PIK3C2G: variants seen among roughly 807,000 people sequenced by gnomAD.
The protein encoded by PIK3C2G is phosphatidylinositol-4-phosphate 3-kinase catalytic subunit type 2 gamma.
Under a neutral mutation model 181.1 loss-of-function variants are expected in PIK3C2G, and 168 were observed. That is an observed-to-expected ratio of 0.93 (90% CI 0.82 to 1.05). The LOEUF is 1.05. Among genes scored for constraint, PIK3C2G ranks in the 50% least tolerant of loss-of-function variants. PIK3C2G has a pLI of 0.00. For missense variants in PIK3C2G, 1,869 were observed against 1,732.8 expected (o/e 1.08, Z -1.40); for synonymous variants, 573 against 592.2 (o/e 0.97, Z 0.47).
intron 18 of PIK3C2G, among the ~76,000 whole-genome samples, chr12:18,449,426 A>G (rs566965347): frequency 3.9e-5 from 6 of 152,122 alleles, no homozygotes; most frequent in South Asian, 2.1e-4. Flanking sequence ...TGCATTAGGT[A>G]TCTGTCCTAA....
the PIK3C2G span, chr12:18,688,163 G>C: frequency 6.2e-7 from 1 of 1,610,938 alleles, no homozygotes; most frequent in Admixed American, 1.7e-5. Flanking sequence ...AATTACTAAT[G>C]AATCACCTTT....
intron 11 of PIK3C2G, among the ~76,000 whole-genome samples, chr12:18,351,739 T>A (rs1447916109): frequency 6.6e-6 from 1 of 152,194 alleles, no homozygotes. Flanking sequence ...ATACTGTAAA[T>A]CTTCTATAGA....
At chr12:18,599,690 A>T (rs1947599052) in intron 30 of PIK3C2G, among the ~76,000 whole-genome samples, 1 of 94,106 alleles carries the variant, frequency 1.1e-5, no homozygotes. Context: ...ATAAAAAAAA[A>T]TAAAAATAAA....
intron 31 of PIK3C2G, among the ~76,000 whole-genome samples, chr12:18,620,527 C>CAGACAGATAGAT (rs538068604): frequency 8.3e-4 from 123 of 148,176 alleles, no homozygotes; most frequent in South Asian, 2.4e-3. Flanking sequence ...ATTAGACAGA[C>CAGACAGATAGAT]AGATAGATAG....
the PIK3C2G span, among the ~76,000 whole-genome samples, chr12:18,655,312 T>C: frequency 6.6e-6 from 1 of 152,174 alleles, no homozygotes; most frequent in East Asian, 1.9e-4. Flanking sequence ...ACTGAAAGAG[T>C]TCCCAATGGC....
the PIK3C2G span, among the ~76,000 whole-genome samples, chr12:18,697,139 A>C: frequency 6.6e-6 from 1 of 152,144 alleles, no homozygotes; most frequent in African/African-American, 2.4e-5. Context: ...CTGTTTCTGC[A>C]ACCATTCCTG....
intron 15 of PIK3C2G, among the ~76,000 whole-genome samples, chr12:18,397,852 C>A (rs1193562056): frequency 2.0e-5 from 3 of 151,862 alleles, no homozygotes; most frequent in Admixed American, 2.0e-4. Context: ...AATACCCCCC[C>A]AAAAGGAAGC....
intron 14 of PIK3C2G, among the ~76,000 whole-genome samples, chr12:18,386,011 T>C (rs2138006100): frequency 6.6e-6 from 1 of 152,190 alleles, no homozygotes; most frequent in African/African-American, 2.4e-5. Context: ...GCACTGTCTG[T>C]CTCTTCCCCA....
chr12:18,461,905 G>C (rs1947939220), intron 18 of PIK3C2G, among the ~76,000 whole-genome samples: 1 of 152,174 alleles, frequency 6.6e-6, no homozygotes, highest in Non-Finnish European at 1.5e-5. Flanking sequence ...CCAGCTTCAA[G>C]AGACTGCCCA....
At chr12:18,656,625 A>G in the PIK3C2G span, among the ~76,000 whole-genome samples, 1 of 152,072 alleles carries the variant, frequency 6.6e-6, no homozygotes, top group South Asian at 2.1e-4. Flanking sequence ...TGTCCCAGCT[A>G]CTTGGGAAGC....
intron 31 of PIK3C2G, among the ~76,000 whole-genome samples, chr12:18,633,069 C>T (rs1203650554): frequency 1.3e-5 from 2 of 152,128 alleles, no homozygotes; most frequent in African/African-American, 2.4e-5. Context: ...CATAATTCTG[C>T]CAAACATGAT....
At chr12:18,670,921 G>A in the PIK3C2G span, among the ~76,000 whole-genome samples, 7 of 152,206 alleles carry the variant, frequency 4.6e-5, no homozygotes, top group East Asian at 7.7e-4. Context: ...AGTGGCTCAT[G>A]CCTGTAATCC....
chr12:18,500,728 T>A (rs1941403022), intron 22 of PIK3C2G, among the ~76,000 whole-genome samples: 1 of 152,032 alleles, frequency 6.6e-6, no homozygotes, highest in African/African-American at 2.4e-5. Context: ...TGGAGCCAGA[T>A]AAAAGAATAA....
intron 13 of PIK3C2G, 30 bp downstream of exon 13, chr12:18,371,341 T>C (rs773107073): frequency 1.3e-6 from 2 of 1,553,106 alleles, no homozygotes; most frequent in Non-Finnish European, 1.7e-6. Flanking sequence ...GTAATAAGCC[T>C]ATCATTTCAA....
At chr12:18,336,517 C>T (rs1938550562) in intron 8 of PIK3C2G, among the ~76,000 whole-genome samples, 1 of 152,062 alleles carries the variant, frequency 6.6e-6, no homozygotes, top group South Asian at 2.1e-4. Flanking sequence ...TGTGGTGGAA[C>T]TAACTTTCTA....
chr12:18,693,173 C>T, the PIK3C2G span: 910 of 1,550,518 alleles, frequency 5.9e-4, 5 homozygotes, highest in African/African-American at 0.011. Flanking sequence ...CAGAACACTA[C>T]ATCAGCATTC....
Position 18,485,843 on chromosome 12 carries a change from A to G in PIK3C2G, c.2505-2606A>G, listed in dbSNP as rs369494439. Among the ~76,000 whole-genome samples the G allele has an allele frequency of 9.8e-5, 15 of 152,288 alleles. 1 individual carries two copies. Among genetic ancestry groups the G allele is most frequent in the African/African-American group, 3.6e-4 (15 of 41,570 alleles). On this transcript the variant is annotated intron_variant, in intron 18 of 32. Coordinates refer to ENST00000538779, the MANE Select transcript of PIK3C2G (RefSeq NM_001288772.2). ...TCCCAGGTTACGGCATCTTTTGAAA[A>G]GAATTTCTGTAAACCTTAAAAGAGA...
intron 16 of PIK3C2G, among the ~76,000 whole-genome samples, chr12:18,408,875 G>A (rs970797986): frequency 2.6e-5 from 4 of 152,068 alleles, no homozygotes; most frequent in Admixed American, 6.6e-5. Flanking sequence ...TTAGAATGGC[G>A]ATCATTAAAA....
chr12:18,391,458 G>T (rs758835828), intron 15 of PIK3C2G, among the ~76,000 whole-genome samples: 2 of 152,054 alleles, frequency 1.3e-5, no homozygotes, highest in African/African-American at 2.4e-5. Context: ...ATTTCCTGTG[G>T]TCTTAAGGAA....
Sources: allele counts gnomAD v4.1 joint callset (sites outside exome capture counted in the v4.1 genomes callset), GRCh38; gene constraint gnomAD v4.1.1; transcripts MANE v1.5; gene names NCBI Gene and HGNC (gene_info 2026-07-23, HGNC 2026-07-21).